NHSL1: variants seen among roughly 807,000 people sequenced by gnomAD.
The protein encoded by NHSL1 is NHS-like protein 1.
NHSL1 carries 48 observed loss-of-function variants against 95.0 expected under a neutral mutation model. The observed-to-expected ratio is 0.51, with a 90% confidence interval of 0.40 to 0.64. The LOEUF is 0.64. Among genes scored for constraint, NHSL1 ranks in the 30% least tolerant of loss-of-function variants. The pLI, the probability that NHSL1 is intolerant of heterozygous loss-of-function variation, is 0.00. For missense variants in NHSL1, 1,971 were observed against 2,077.7 expected, an observed-to-expected ratio of 0.95 and a Z score of 1.00; for synonymous variants, 783 against 833.9, an observed-to-expected ratio of 0.94 and a Z score of 1.05.
chr6:138,598,913 A>G (rs934957466), intron 1 of NHSL1, among the ~76,000 whole-genome samples: 1 of 152,202 alleles, frequency 6.6e-6, no homozygotes, highest in African/African-American at 2.4e-5. Flanking sequence ...TTTCTCTTTA[A>G]TTCAGGTTCA....
intron 1 of NHSL1, among the ~76,000 whole-genome samples, chr6:138,544,986 T>TC (rs1782729140): frequency 8.1e-6 from 1 of 123,220 alleles, no homozygotes; most frequent in Non-Finnish European, 1.6e-5. Flanking sequence ...TTCTTTTCTT[T>TC]TTTTTTTTTT....
chr6:138,664,805 A>G (rs891543352), intron 1 of NHSL1, among the ~76,000 whole-genome samples: 8 of 152,268 alleles, frequency 5.3e-5, no homozygotes, highest in Non-Finnish European at 1.2e-4. Context: ...GCAGGCCAGC[A>G]GGCTGGAGCC....
Position 138,431,313 on chromosome 6 carries a change from G to A in NHSL1, c.3032C>T (p.Pro1011Leu). The change falls in exon 6 of 8, where the codon CCC (proline) becomes CTC (leucine). Residue 1011 changes from proline (P) to leucine (L), a missense_variant. Transcript: ENST00000343505. The surrounding 1 kb of genome is among the most constrained non-coding windows in gnomAD (Gnocchi z 4.0). Reference sequence around the variant, plus strand: ...TTCCGAGGAAGGTAAGAGAGGTGGGGGCAATGGCAAGGACACAGGTGAATC... The same window carrying A: ...TTCCGAGGAAGGTAAGAGAGGTGGGAGCAATGGCAAGGACACAGGTGAATC... Reference protein sequence around the residue: ...LPDSPVSLPLPPPLLPSSEPP... With the variant: ...LPDSPVSLPLLPPLLPSSEPP... 1 of 1,510,354 alleles carries A rather than the reference G, an allele frequency of 6.6e-7. No individual in the cohort carries two copies. Among genetic ancestry groups the A allele is most frequent in the Non-Finnish European group, 8.9e-7 (1 of 1,125,598 alleles). The allele number at this position is 1,510,354 out of a possible 1,614,324, so 93.6% of individuals were successfully genotyped here.
chr6:138,628,873 T>C (rs1784779754), intron 1 of NHSL1, among the ~76,000 whole-genome samples: 2 of 152,140 alleles, frequency 1.3e-5, no homozygotes, highest in Non-Finnish European at 2.9e-5. Context: ...TCCAAGAAAA[T>C]TTGGTCCCTT....
Position 138,645,856 on chromosome 6 carries a change from G to A in NHSL1, c.96+46620C>T, listed in dbSNP as rs1785013754. On this transcript the variant is annotated intron_variant, in intron 1 of 3. Coordinates refer to the NHSL1 transcript ENST00000491526. ...AAACATCACCAGAGCAGGAATTTTGGTCTTTTTGTTCACTGAAGAACCTGA... is the reference window on the plus strand; with the variant it reads ...AAACATCACCAGAGCAGGAATTTTGATCTTTTTGTTCACTGAAGAACCTGA... 3.3e-5 allele frequency among the ~76,000 whole-genome samples: 5 copies of A among 152,032 alleles called. No homozygotes were observed. In the South Asian group the frequency reaches 1.0e-3, roughly 32 times the overall value.
At chr6:138,674,635 C>G (rs1785424767) in intron 1 of NHSL1, among the ~76,000 whole-genome samples, 1 of 152,160 alleles carries the variant, frequency 6.6e-6, no homozygotes, top group Non-Finnish European at 1.5e-5. Context: ...CGTGTCCCTG[C>G]AAAGAACATG....
At position 138,483,544 on chromosome 6, in the gene NHSL1, C is replaced by T. The variant is rs368662953; in HGVS notation, c.212-10111G>A. 1.3e-3 allele frequency among the ~76,000 whole-genome samples: 197 copies of T among 152,300 alleles called. 1 individual carries two copies. Among genetic ancestry groups the T allele is most frequent in the African/African-American group, 4.3e-3 (178 of 41,550 alleles). On this transcript the variant is annotated intron_variant, in intron 2 of 7. Coordinates refer to ENST00000343505, the MANE Select transcript of NHSL1 (RefSeq NM_001144060.2). Reference sequence around the variant, plus strand: ...GGGTTCTTACATTTATTTTAACATTCCACTCCAGCTGCAACTGCAGGGAAA... The same window carrying T: ...GGGTTCTTACATTTATTTTAACATTTCACTCCAGCTGCAACTGCAGGGAAA...
intron 2 of NHSL1, among the ~76,000 whole-genome samples, chr6:138,489,733 G>C (rs1219818213): frequency 7.2e-6 from 1 of 139,812 alleles, no homozygotes; most frequent in African/African-American, 2.8e-5. Context: ...CTGCACTCTA[G>C]CCTGGGCAAC....
At chr6:138,606,446 A>G (rs1469225138) in intron 1 of NHSL1, among the ~76,000 whole-genome samples, 2 of 152,246 alleles carry the variant, frequency 1.3e-5, no homozygotes, top group African/African-American at 4.8e-5. Flanking sequence ...CAGCTTCGGC[A>G]TATTGCCCTT....
chr6:138,566,453 ATCAGTT>A (rs1427087006), intron 1 of NHSL1, among the ~76,000 whole-genome samples: 2 of 152,012 alleles, frequency 1.3e-5, no homozygotes, highest in Non-Finnish European at 2.9e-5. Flanking sequence ...GTTCATAAAG[ATCAGTT>A]TCAAAGAAGG....
intron 4 of NHSL1, among the ~76,000 whole-genome samples, chr6:138,444,871 G>T (rs572436378): frequency 2.0e-5 from 3 of 152,136 alleles, no homozygotes; most frequent in Non-Finnish European, 4.4e-5. Flanking sequence ...TGTAGAAAAT[G>T]GATCAATAAA....
chr6:138,580,913 C>T (rs1289602293), intron 1 of NHSL1, among the ~76,000 whole-genome samples: 1 of 152,192 alleles, frequency 6.6e-6, no homozygotes, highest in Non-Finnish European at 1.5e-5. Context: ...TCACATGTGT[C>T]CTTTCAAAGA....
intron 1 of NHSL1, among the ~76,000 whole-genome samples, chr6:138,633,892 TAA>T (rs1302257993): frequency 1.3e-5 from 2 of 152,108 alleles, no homozygotes; most frequent in Non-Finnish European, 2.9e-5. Context: ...CAAAGTATAA[TAA>T]GATATAAATA....
At chr6:138,685,909 C>G (rs1288129064) in intron 1 of NHSL1, among the ~76,000 whole-genome samples, 1 of 152,056 alleles carries the variant, frequency 6.6e-6, no homozygotes, top group Non-Finnish European at 1.5e-5. Flanking sequence ...TTATTTGTGC[C>G]TTAGCTATAT....
At chr6:138,606,552 A>G (rs1354002765) in intron 1 of NHSL1, among the ~76,000 whole-genome samples, 3 of 152,164 alleles carry the variant, frequency 2.0e-5, no homozygotes, top group Non-Finnish European at 4.4e-5. Flanking sequence ...GATCCACTTC[A>G]TAGGTCTCTT....
chr6:138,474,163 G>A (rs534211227), intron 2 of NHSL1, among the ~76,000 whole-genome samples: 17 of 152,212 alleles, frequency 1.1e-4, no homozygotes, highest in East Asian at 5.8e-4. Flanking sequence ...GGTGGGGGCC[G>A]GTGCTGTAAG....
At chr6:138,565,264 AC>A (rs1224212289) in intron 1 of NHSL1, among the ~76,000 whole-genome samples, 1 of 151,886 alleles carries the variant, frequency 6.6e-6, no homozygotes. Flanking sequence ...GCCGCACTAA[AC>A]CCGAGTAATT....
chr6:138,582,818 G>A (rs929772211), intron 1 of NHSL1, among the ~76,000 whole-genome samples: 4 of 152,068 alleles, frequency 2.6e-5, no homozygotes, highest in Admixed American at 6.5e-5. Context: ...CTTTTCCACC[G>A]GCTTTACTTT....
chr6:138,598,627 GAAAAAAA>G (rs35482505), intron 1 of NHSL1, among the ~76,000 whole-genome samples: 9 of 86,846 alleles, frequency 1.0e-4, no homozygotes, highest in South Asian at 4.0e-4. Flanking sequence ...TCATCTGGAA[GAAAAAAA>G]AAAAAAAAAA....
Sources: gnomAD v4.1 joint callset for allele counts (sites outside exome capture counted in the v4.1 genomes callset) on GRCh38, gnomAD v4.1.1 for gene constraint, Gnocchi (gnomAD v3.1) non-coding constraint, MANE v1.5 for transcripts, NCBI Gene and HGNC (gene_info 2026-07-23, HGNC 2026-07-21) for gene names.